Variants in TG observed in about 807,000 individuals in gnomAD.
TG encodes thyroglobulin, also known as thyroid hormones.
Under a neutral mutation model 324.7 loss-of-function variants are expected in TG, and 270 were observed. The observed-to-expected ratio is 0.83, with a 90% CI of 0.75 to 0.92. The LOEUF is 0.92. Ranked by LOEUF, TG falls within the 40% of genes least tolerant of loss-of-function variation. The pLI is 0.00. For missense variants in TG, 3,591 were observed against 3,456.4 expected, an observed-to-expected ratio of 1.04 and a Z score of -0.98; for synonymous variants, 1,401 against 1,327.0, an observed-to-expected ratio of 1.06 and a Z score of -1.21.
chr8:132,975,116 A>T (rs760689717), intron 34 of TG, among the ~76,000 whole-genome samples: 16 of 152,314 alleles, frequency 1.1e-4, no homozygotes, highest in Non-Finnish European at 2.1e-4. Context: ...GGAAGGGAGA[A>T]AATACCTGCC....
chr8:132,999,783 G>T (rs944469952), intron 35 of TG, among the ~76,000 whole-genome samples: 1 of 152,208 alleles, frequency 6.6e-6, no homozygotes, highest in Non-Finnish European at 1.5e-5. Flanking sequence ...CTTCTTAGAA[G>T]ATATTTACTA....
At chr8:133,076,429 T>A (rs1428361364) in intron 41 of TG, among the ~76,000 whole-genome samples, 2 of 152,102 alleles carry the variant, frequency 1.3e-5, no homozygotes, top group East Asian at 3.9e-4. Context: ...AGAGAGATGG[T>A]TCCTTAGACA....
chr8:133,051,603 G>A (rs1476656724), intron 41 of TG, among the ~76,000 whole-genome samples: 6 of 152,206 alleles, frequency 3.9e-5, no homozygotes, highest in Admixed American at 6.5e-5. Flanking sequence ...TCCTAATAGT[G>A]TATTGAAAGG....
chr8:133,088,254 C>T (rs1474370131), intron 41 of TG, among the ~76,000 whole-genome samples: 2 of 146,762 alleles, frequency 1.4e-5, no homozygotes, highest in Non-Finnish European at 3.1e-5. Context: ...GGCTCCCCTC[C>T]TGCTCCTCCT....
chr8:132,898,812 G>A lies in TG; in HGVS notation c.3232G>A (p.Glu1078Lys), dbSNP rs747214682. 7.4e-6 allele frequency: 12 copies of A among 1,613,998 alleles called. No homozygotes were observed. The highest frequency in any genetic ancestry group is 5.3e-5 in the African/African-American group (4 of 74,926). The change falls in exon 14 of 48, where the codon GAG (glutamate) becomes AAG (lysine). Residue 1078 changes from glutamate (E) to lysine (K), a missense_variant. Transcript: ENST00000220616. ...CTCTCCCACAGGCCCGACAACCTGC[G>A]AGAAATCTCGAACCAGTGGGCTGCT... ...LQIPQCPTTCEKSRTSGLLSS... is the reference protein window; with the variant it reads ...LQIPQCPTTCKKSRTSGLLSS...
rs529542065 is a variant in TG at position 133,018,077 on chromosome 8, A to G, written c.6782+80A>G. ...CTAATCTATCCAAATGGGACTCAGT[A>G]GCAGAGCAGTGCATTTTGGATAAAG... On this transcript the variant is annotated intron_variant, in intron 38 of 47. Coordinates refer to ENST00000220616, the MANE Select transcript of TG (RefSeq NM_003235.5). 3 of 1,378,774 alleles carry G rather than the reference A, an allele frequency of 2.2e-6. No homozygotes were observed. The African/African-American group carries it at 4.3e-5, about 20-fold the overall frequency. The allele number at this position is 1,378,774 out of a possible 1,614,324, so 85.4% of individuals were successfully genotyped here.
At chr8:133,062,643 G>A (rs2131347914) in intron 41 of TG, among the ~76,000 whole-genome samples, 1 of 152,318 alleles carries the variant, frequency 6.6e-6, no homozygotes, top group African/African-American at 2.4e-5. Context: ...GCCTCGGGAA[G>A]CATGCGTGTG....
intron 35 of TG, among the ~76,000 whole-genome samples, chr8:132,986,652 A>G (rs909449521): frequency 1.3e-5 from 2 of 152,084 alleles, no homozygotes; most frequent in Non-Finnish European, 2.9e-5. Context: ...GTTTATTATT[A>G]TTCATCATTA....
intron 41 of TG, among the ~76,000 whole-genome samples, chr8:133,089,640 T>C (rs1229029690): frequency 2.6e-5 from 4 of 152,204 alleles, no homozygotes; most frequent in African/African-American, 9.7e-5. Context: ...AAGTCACTGG[T>C]CCATCTGCCT....
At chr8:132,966,116 G>A (rs749616325) in intron 29 of TG, among the ~76,000 whole-genome samples, 3 of 152,148 alleles carry the variant, frequency 2.0e-5, no homozygotes, top group Non-Finnish European at 4.4e-5. Context: ...AGGATCAGTG[G>A]TTCAAAGTTA....
chr8:132,936,263 T>C (rs2129767931), intron 25 of TG, among the ~76,000 whole-genome samples: 1 of 152,358 alleles, frequency 6.6e-6, no homozygotes, highest in Middle Eastern at 3.4e-3. Flanking sequence ...CCCAAGAGGC[T>C]GGGCAAACTG....
chr8:132,983,057 T>G (rs1343044921), intron 34 of TG, among the ~76,000 whole-genome samples: 2 of 152,176 alleles, frequency 1.3e-5, no homozygotes, highest in African/African-American at 2.4e-5. Context: ...AGAAGCTGCC[T>G]TTTTCAGCTT....
At position 132,983,417 on chromosome 8, in the gene TG, G is replaced by A. The variant is rs568585900; in HGVS notation, c.6262+5G>A. The A allele has an allele frequency of 4.6e-5, 74 of 1,613,300 alleles. 1 individual carries two copies. The South Asian group carries it at 7.1e-4, about 16-fold the overall frequency. On this transcript the variant is annotated splice_donor_5th_base_variant and intron_variant, in intron 35 of 47. Coordinates refer to ENST00000220616, the MANE Select transcript of TG (RefSeq NM_003235.5). ...TGCCTTCCCTCACAGAGAAAGGTAAGTTCATTGTCTTTTTATCTCTTGGAT... is the reference window on the plus strand; with the variant it reads ...TGCCTTCCCTCACAGAGAAAGGTAAATTCATTGTCTTTTTATCTCTTGGAT...
intron 35 of TG, chr8:133,002,482 A>C (rs1833617828): frequency 1.1e-6 from 1 of 906,334 alleles, no homozygotes; most frequent in Admixed American, 6.2e-5. Flanking sequence ...ACATTACACA[A>C]TAAATTCAGA....
At chr8:133,131,689 G>A in intron 45 of TG, 123 bp from the exon 46 acceptor site, 1 of 1,404,988 alleles carries the variant, frequency 7.1e-7, no homozygotes, top group South Asian at 1.3e-5. Context: ...CAGGATACTT[G>A]GATATGATAT....
chr8:133,134,676 A>G lies in TG; in HGVS notation c.8189A>G (p.Asp2730Gly), dbSNP rs1852218018. The stretch of plus-strand genomic sequence containing the variant: ...AACCTTCCTTGCCCCTCTGTTTCAG[A>G]TGGAGCCAAGGGCGGGCAGTCAGCA... The part of the protein sequence containing the change: ...KYISSLKTSA[D>G]GAKGGQSAES... The change falls in exon 48 of 48, where the codon GAT becomes GGT. Residue 2730 changes from aspartate (D) to glycine (G), a missense_variant and splice_region_variant. Transcript: ENST00000220616. The G allele has an allele frequency of 6.2e-7, 1 of 1,613,722 alleles. No individual in the cohort carries two copies. The highest frequency in any genetic ancestry group is 8.5e-7 in the Non-Finnish European group (1 of 1,179,828).
intron 10 of TG, among the ~76,000 whole-genome samples, chr8:132,892,936 GATGTGTGTATGCAT>G (rs1816455660): frequency 6.8e-6 from 1 of 147,214 alleles, no homozygotes. Flanking sequence ...TACTGTGTGT[GATGTGTGTATGCAT>G]GTGTGTGTAC....
At chr8:133,038,358 A>G (rs1837465192) in intron 41 of TG, 1 of 622,660 alleles carries the variant, frequency 1.6e-6, no homozygotes, top group African/African-American at 1.8e-5. Flanking sequence ...TCCTTTGGTC[A>G]TGATGTGGAT....
intron 29 of TG, among the ~76,000 whole-genome samples, chr8:132,965,622 G>A (rs962628771): frequency 6.6e-6 from 1 of 152,246 alleles, no homozygotes; most frequent in African/African-American, 2.4e-5. Context: ...GGGCCTGGGT[G>A]TTGGGGTCCT....
Sources: gnomAD v4.1 joint callset for allele counts (sites outside exome capture counted in the v4.1 genomes callset) on GRCh38, gnomAD v4.1.1 for gene constraint, MANE v1.5 for transcripts, NCBI Gene and HGNC (gene_info 2026-07-23, HGNC 2026-07-21) for gene names.